Variants in SYCE3 observed in about 807,000 individuals in gnomAD.
SYCE3 encodes the protein testis highly expressed gene 2 protein.
SYCE3 carries 3 observed loss-of-function variants against 8.1 expected under a neutral mutation model. The observed-to-expected ratio is 0.37, with a 90% CI of 0.17 to 0.96. The LOEUF (loss-of-function observed/expected upper bound fraction) is 0.96, where lower values mean the gene tolerates loss of function less well. SYCE3 is among the 40% of genes least tolerant of loss of function. SYCE3 has a pLI of 0.41. For synonymous variants in SYCE3, 36 were observed against 38.7 expected (o/e 0.93, Z 0.26); for missense variants, 83 against 110.0 (o/e 0.75, Z 1.10).
Position 50,556,420 on chromosome 22 carries a change from G to C in SYCE3, c.1-15C>G. ...GCATCATCCATCTAGGCAATGCACAGAAAGAAGCTGCAGTCAGACAGACCT... is the reference window on the plus strand; with the variant it reads ...GCATCATCCATCTAGGCAATGCACACAAAGAAGCTGCAGTCAGACAGACCT... On this transcript the variant is annotated splice_polypyrimidine_tract_variant and intron_variant, in intron 1 of 2. Coordinates refer to ENST00000406915, the MANE Select transcript of SYCE3 (RefSeq NM_001123225.3). 6.5e-7 allele frequency: 1 copy of C among 1,528,490 alleles called. No homozygotes were observed. The highest frequency in any genetic ancestry group is 8.9e-7 in the Non-Finnish European group (1 of 1,127,388). The allele number at this position is 1,528,490 out of a possible 1,614,324, so 94.7% of individuals were successfully genotyped here. A position where few individuals can be genotyped will look rare whatever the true frequency, so the allele number is the denominator to read the frequency against.
intron 2 of SYCE3, among the ~76,000 whole-genome samples, chr22:50,554,063 C>T (rs1399550002): frequency 6.6e-6 from 1 of 151,820 alleles, no homozygotes; most frequent in Non-Finnish European, 1.5e-5. Context: ...TGCATGGTGG[C>T]GGGCACCTGT....
intron 2 of SYCE3, among the ~76,000 whole-genome samples, chr22:50,553,237 C>G (rs1271475893): frequency 6.9e-6 from 1 of 144,114 alleles, no homozygotes; most frequent in African/African-American, 2.8e-5. Context: ...TCCCAAAGTG[C>G]TGGGATTACA....
At chr22:50,553,120 T>G (rs1176915318) in intron 2 of SYCE3, among the ~76,000 whole-genome samples, 1 of 152,116 alleles carries the variant, frequency 6.6e-6, no homozygotes, top group African/African-American at 2.4e-5. Flanking sequence ...AAGGATCCCT[T>G]GAGCCTGGGA....
At chr22:50,554,397 A>T (rs934981551) in intron 2 of SYCE3, among the ~76,000 whole-genome samples, 1 of 152,154 alleles carries the variant, frequency 6.6e-6, no homozygotes, top group Non-Finnish European at 1.5e-5. Context: ...TTTTCACTAC[A>T]TAAAACTGTT....
chr22:50,560,646 TAGA>T (rs1371972321), intron 1 of SYCE3, among the ~76,000 whole-genome samples: 1 of 152,184 alleles, frequency 6.6e-6, no homozygotes, highest in Non-Finnish European at 1.5e-5. Flanking sequence ...AGGAGGTAAC[TAGA>T]AGGTGATACA....
rs147792581 is a variant in SYCE3, at chr22:50,553,906, A to C, written c.109+2391T>G. Among the ~76,000 whole-genome samples the C allele has an allele frequency of 1.3e-3, 198 of 152,012 alleles. 2 individuals are homozygous for C. The East Asian group carries it at 0.035, about 27-fold the overall frequency. On this transcript the variant is annotated intron_variant, in intron 2 of 2. Coordinates refer to ENST00000406915, the MANE Select transcript of SYCE3 (RefSeq NM_001123225.3). ...TGTAGCAGATTTATATAAAAATGCA[A>C]TATGCGGCTGGGTGCGGTGGCTCAT...
chr22:50,559,893 A>C (rs534454629), intron 1 of SYCE3, among the ~76,000 whole-genome samples: 1 of 152,270 alleles, frequency 6.6e-6, no homozygotes, highest in African/African-American at 2.4e-5. Context: ...ATGCCACTGC[A>C]CTCCAGCCTG....
chr22:50,554,672 C>T (rs1451863822), intron 2 of SYCE3, among the ~76,000 whole-genome samples: 12 of 127,180 alleles, frequency 9.4e-5, no homozygotes, highest in East Asian at 4.9e-4. Flanking sequence ...CAAGCCTGGA[C>T]GACAGAGCAA....
chr22:50,552,816 C>G (rs1015299081), intron 2 of SYCE3, among the ~76,000 whole-genome samples: 17 of 152,114 alleles, frequency 1.1e-4, no homozygotes, highest in African/African-American at 4.1e-4. Context: ...GTAGACCCTC[C>G]TGAATGGGAT....
rs955059355 is a variant in SYCE3, at chr22:50,559,128, CT to C, written c.1-2724del. On this transcript the variant is annotated intron_variant, in intron 1 of 2. Coordinates refer to ENST00000406915, the MANE Select transcript of SYCE3 (RefSeq NM_001123225.3). Reference sequence around the variant, plus strand: ...GCCCCTTCTCTTCTCACTACACACTCTTTTTTTTTTTTTCTTGAGACGGAGT... The same window carrying C: ...GCCCCTTCTCTTCTCACTACACACTCTTTTTTTTTTTTCTTGAGACGGAGT... 1.2e-3 allele frequency among the ~76,000 whole-genome samples: 170 copies of C among 145,660 alleles called. 1 individual carries two copies. Among genetic ancestry groups the C allele is most frequent in the Middle Eastern group, 3.5e-3 (1 of 284 alleles).
chr22:50,555,063 A>G (rs1022024534), intron 2 of SYCE3, among the ~76,000 whole-genome samples: 3 of 151,978 alleles, frequency 2.0e-5, no homozygotes, highest in African/African-American at 7.3e-5. Flanking sequence ...CGGAGCTTGC[A>G]GTGAGCCGAG....
chr22:50,556,966 A>G (rs2069865835), intron 1 of SYCE3, among the ~76,000 whole-genome samples: 1 of 152,158 alleles, frequency 6.6e-6, no homozygotes, highest in South Asian at 2.1e-4. Flanking sequence ...TGATTCATAC[A>G]TTAAAAAAAA....
chr22:50,561,801 T>C (rs1320879196), intron 1 of SYCE3, among the ~76,000 whole-genome samples: 1 of 150,766 alleles, frequency 6.6e-6, no homozygotes, highest in Admixed American at 6.6e-5. Flanking sequence ...ACCTGTGATG[T>C]GGGAGAGAAG....
intron 1 of SYCE3, among the ~76,000 whole-genome samples, chr22:50,558,166 G>A (rs2069878816): frequency 6.6e-6 from 1 of 152,258 alleles, no homozygotes; most frequent in African/African-American, 2.4e-5. Flanking sequence ...GCTCATGCCT[G>A]TAATCCCAAC....
intron 2 of SYCE3, among the ~76,000 whole-genome samples, chr22:50,551,931 G>T (rs2069813576): frequency 6.6e-6 from 1 of 152,132 alleles, no homozygotes; most frequent in Non-Finnish European, 1.5e-5. Flanking sequence ...CTCTTGGGAA[G>T]GTGTCCTTGA....
intron 1 of SYCE3, among the ~76,000 whole-genome samples, chr22:50,557,748 G>A (rs11913340): frequency 0.13 from 20,415 of 152,206 alleles, 1,543 homozygotes; most frequent in Middle Eastern, 0.24. Flanking sequence ...TGTAAGAGCT[G>A]CCAGGGAACT....
intron 2 of SYCE3, among the ~76,000 whole-genome samples, chr22:50,555,022 T>C (rs2069845878): frequency 6.6e-6 from 1 of 151,380 alleles, no homozygotes; most frequent in Non-Finnish European, 1.5e-5. Flanking sequence ...CTCGGGAGGC[T>C]GAGGCAGGAG....
intron 1 of SYCE3, among the ~76,000 whole-genome samples, chr22:50,557,311 C>T (rs2069870336): frequency 6.6e-6 from 1 of 152,026 alleles, no homozygotes; most frequent in Non-Finnish European, 1.5e-5. Context: ...CAAGTGCCAC[C>T]ACGCCCGGCT....
intron 2 of SYCE3, among the ~76,000 whole-genome samples, chr22:50,555,793 C>CTT (rs35962439): frequency 1.1e-4 from 14 of 124,444 alleles, no homozygotes; most frequent in East Asian, 4.9e-4. Flanking sequence ...CAATGTACAT[C>CTT]TTTTTTTTTT....
Sources: allele counts gnomAD v4.1 joint callset (sites outside exome capture counted in the v4.1 genomes callset), GRCh38; gene constraint gnomAD v4.1.1; transcripts MANE v1.5; gene names NCBI Gene and HGNC (gene_info 2026-07-23, HGNC 2026-07-21).